Variants in USP34 observed in about 807,000 individuals in gnomAD.
USP34 encodes ubiquitin carboxyl-terminal hydrolase 34.
Under a neutral mutation model 460.3 loss-of-function variants are expected in USP34, and 70 were observed. That is an observed-to-expected ratio of 0.15 (90% CI 0.13 to 0.19). The LOEUF is 0.19. Ranked by LOEUF, USP34 falls within the 10% of genes least tolerant of loss-of-function variation. The pLI is 1.00. For missense variants in USP34, 3,985 were observed against 4,236.2 expected, an observed-to-expected ratio of 0.94 and a Z score of 1.65; for synonymous variants, 1,647 against 1,405.3, an observed-to-expected ratio of 1.17 and a Z score of -3.85.
intron 41 of USP34, among the ~76,000 whole-genome samples, chr2:61,268,424 G>T (rs1260219383): frequency 9.2e-6 from 1 of 108,846 alleles, no homozygotes; most frequent in African/African-American, 3.7e-5. Context: ...TTGAGTTCAT[G>T]CAAGAGCTGT....
chr2:61,212,448 T>C (rs937371523), intron 68 of USP34, among the ~76,000 whole-genome samples: 10 of 152,242 alleles, frequency 6.6e-5, no homozygotes, highest in Non-Finnish European at 1.5e-4. Flanking sequence ...TTTAAATGCC[T>C]AAATAACCCT....
At chr2:61,263,152 G>A (rs910383688) in intron 43 of USP34, among the ~76,000 whole-genome samples, 1 of 147,482 alleles carries the variant, frequency 6.8e-6, no homozygotes, top group African/African-American at 2.5e-5. Flanking sequence ...GGGACTACAG[G>A]CACGCACCAC....
chr2:61,297,494 C>T lies in USP34; in HGVS notation c.4129-569G>A, dbSNP rs539365593. Among the ~76,000 whole-genome samples the T allele has an allele frequency of 1.3e-4, 20 of 152,256 alleles. No individual in the cohort carries two copies. The East Asian group carries it at 3.5e-3, about 26-fold the overall frequency. The stretch of plus-strand genomic sequence containing the variant: ...GCTAAGGCAAGAGTAAGCTAAACAA[C>T]GTTTCAAAAACCACTTAGGAAATAG... On this transcript the variant is annotated intron_variant, in intron 29 of 79. Transcript: ENST00000398571.
chr2:61,425,449 G>T (rs1473212158), intron 1 of USP34, among the ~76,000 whole-genome samples: 1 of 152,072 alleles, frequency 6.6e-6, no homozygotes, highest in Non-Finnish European at 1.5e-5. Flanking sequence ...GGTGCTGAGG[G>T]AGGGACAACA....
chr2:61,397,856 G>T (rs769750607), intron 3 of USP34, among the ~76,000 whole-genome samples: 2 of 151,678 alleles, frequency 1.3e-5, no homozygotes, highest in Non-Finnish European at 2.9e-5. Context: ...CTGAGATCGT[G>T]CCACTGAACT....
At chr2:61,416,821 T>TTTTGG in intron 2 of USP34, 1 of 215,906 alleles carries the variant, frequency 4.6e-6, no homozygotes, top group Non-Finnish European at 8.3e-6. Flanking sequence ...TTTTTTTTTT[T>TTTTGG]GGGGGGGGGG....
chr2:61,188,284 C>T lies in USP34; in HGVS notation c.10459G>A (p.Asp3487Asn), dbSNP rs143842551. Residue 3487 changes from aspartate to asparagine, a missense_variant, in exon 80 of 80, where the codon GAT (aspartate) becomes AAT (asparagine). This residue lies in a region of USP34 where 506 missense variants were observed against 439.0 expected (regional missense o/e 1.15). Coordinates refer to ENST00000398571, the MANE Select transcript of USP34 (RefSeq NM_014709.4). ...LSDLADLRSC[D>N]GQALPSQDPE... ...TCCTGGGAGGGCAAAGCTTGGCCAT[C>T]ACAGCTTCTCAAGTCAGCTAAGTCA... 1.2e-6 allele frequency: 2 copies of T among 1,613,794 alleles called. No individual in the cohort carries two copies. Among genetic ancestry groups the T allele is most frequent in the East Asian group, 2.2e-5 (1 of 44,892 alleles).
chr2:61,202,521 C>A (rs1687004642), intron 75 of USP34, among the ~76,000 whole-genome samples: 2 of 152,196 alleles, frequency 1.3e-5, no homozygotes, highest in Admixed American at 1.3e-4. Flanking sequence ...AGTTCTCTAA[C>A]AGCTCTTAGG....
At position 61,222,820 on chromosome 2, in the gene USP34, C is replaced by T. The variant is rs187241056; in HGVS notation, c.7750-157G>A. 976 of 740,710 alleles carry T rather than the reference C, an allele frequency of 1.3e-3. 2 individuals carry two copies. The highest frequency in any genetic ancestry group is 2.6e-3 in the Admixed American group (94 of 36,222). 45.9% of individuals were successfully genotyped at this position (740,710 alleles called of 1,614,324 possible). The stretch of plus-strand genomic sequence containing the variant: ...CAAGCGATCCTCCTGCCTCAGCCTC[C>T]GAGTGGCTGGGACTACAGGCATGTG... On this transcript the variant is annotated intron_variant, in intron 64 of 79. Transcript: ENST00000398571.
intron 29 of USP34, among the ~76,000 whole-genome samples, chr2:61,298,815 A>G (rs1690129712): frequency 6.6e-6 from 1 of 152,036 alleles, no homozygotes; most frequent in South Asian, 2.1e-4. Context: ...TTTGCGATAC[A>G]AGTTACAGTC....
At chr2:61,430,194 G>A (rs1223132193) in intron 1 of USP34, among the ~76,000 whole-genome samples, 1 of 143,436 alleles carries the variant, frequency 7.0e-6, no homozygotes, top group Admixed American at 7.2e-5. Context: ...CCGCCTGGGC[G>A]ACAGAGCGAG....
chr2:61,353,703 T>C (rs1195297682), intron 10 of USP34, among the ~76,000 whole-genome samples: 1 of 152,104 alleles, frequency 6.6e-6, no homozygotes, highest in Non-Finnish European at 1.5e-5. Context: ...AGTGCTAGGA[T>C]TACAGGTGTG....
Position 61,334,374 on chromosome 2 carries a change from A to G in USP34, c.2745-403T>C, listed in dbSNP as rs80168166. On this transcript the variant is annotated intron_variant, in intron 18 of 79. Transcript: ENST00000398571. ...ATGGAAGCACACCACATACCTCAAA[A>G]GTATAAGGAGCAGAAAGGGGAAAGG... Among the ~76,000 whole-genome samples, 1,236 of 152,196 alleles carry G rather than the reference A, an allele frequency of 8.1e-3. 22 individuals carry two copies. The highest frequency in any genetic ancestry group is 0.028 in the African/African-American group (1,181 of 41,544).
intron 71 of USP34, among the ~76,000 whole-genome samples, chr2:61,206,513 G>A (rs1010054878): frequency 2.0e-5 from 3 of 152,196 alleles, no homozygotes; most frequent in African/African-American, 7.2e-5. Flanking sequence ...GTTTGGAAAT[G>A]TTTTCCAATC....
rs528434408 is a variant in USP34 at position 61,292,983 on chromosome 2, C to T, written c.4548+481G>A. On this transcript the variant is annotated intron_variant, in intron 33 of 79. Transcript: ENST00000398571. ...GTATTATAAAATACAGCAACAATGT[C>T]TAATTGCTATAAAAATTTCTAGAGG... 3.3e-5 allele frequency among the ~76,000 whole-genome samples: 5 copies of T among 152,098 alleles called. No homozygotes were observed. The South Asian group carries it at 1.0e-3, about 32-fold the overall frequency.
At chr2:61,310,073 G>T (rs1165172734) in intron 27 of USP34, among the ~76,000 whole-genome samples, 1 of 152,142 alleles carries the variant, frequency 6.6e-6, no homozygotes, top group African/African-American at 2.4e-5. Flanking sequence ...ACAGTGTTAA[G>T]GAGAAGTGGA....
intron 1 of USP34, among the ~76,000 whole-genome samples, chr2:61,445,745 CAGG>C (rs1695096259): frequency 6.6e-6 from 1 of 152,006 alleles, no homozygotes; most frequent in Non-Finnish European, 1.5e-5. Flanking sequence ...ATCACGAGGT[CAGG>C]AGTTCAAGAC....
At chr2:61,291,989 T>C (rs914815629) in intron 33 of USP34, among the ~76,000 whole-genome samples, 6 of 152,166 alleles carry the variant, frequency 3.9e-5, no homozygotes, top group African/African-American at 1.2e-4. Flanking sequence ...GTTCCATTTA[T>C]AGGAAATGTC....
chr2:61,202,546 G>C (rs780029987), intron 75 of USP34, among the ~76,000 whole-genome samples: 11 of 152,176 alleles, frequency 7.2e-5, no homozygotes, highest in Non-Finnish European at 1.3e-4. Flanking sequence ...TTACTGCAGA[G>C]ACAATATTAC....
Sources: allele counts gnomAD v4.1 joint callset (sites outside exome capture counted in the v4.1 genomes callset), GRCh38; gene constraint gnomAD v4.1.1; regional missense constraint gnomAD v4.1.1; transcripts MANE v1.5; gene names NCBI Gene and HGNC (gene_info 2026-07-23, HGNC 2026-07-21).